Variants in SPRY3 observed in about 807,000 individuals in gnomAD.
The protein encoded by SPRY3 is protein sprouty homolog 3.
Under a neutral mutation model 20.2 loss-of-function variants are expected in SPRY3, and 15 were observed. The ratio of observed to expected loss-of-function variants is 0.74; its 90% CI spans 0.50 to 1.14. The LOEUF (loss-of-function observed/expected upper bound fraction) is 1.14. Among genes scored for constraint, SPRY3 ranks in the 50% most tolerant of loss-of-function variants. SPRY3 has a pLI of 0.00. For synonymous variants in SPRY3, 143 were observed against 136.5 expected (o/e 1.05, Z -0.33); for missense variants, 364 against 363.9 (o/e 1.00, Z 0.00).
chrX:155,669,291 T>C (rs1481899215), intron 2 of SPRY3, among the ~76,000 whole-genome samples: 1 of 111,533 alleles, frequency 9.0e-6, no homozygotes, highest in Non-Finnish European at 1.9e-5. Context: ...ATTACTTAAG[T>C]GTATTTTAAT....
intron 2 of SPRY3, among the ~76,000 whole-genome samples, chrX:155,731,797 C>A (rs306909): frequency 3.3e-5 from 5 of 151,674 alleles, no homozygotes; most frequent in Admixed American, 3.3e-4. Context: ...TAAAGAGTTC[C>A]AACAACTCTA....
At chrX:155,692,114 G>C (rs183266205) in intron 2 of SPRY3, among the ~76,000 whole-genome samples, 55 of 110,384 alleles carry the variant, frequency 5.0e-4, no homozygotes, top group African/African-American at 1.8e-3. Context: ...AGAGTAGAAT[G>C]ATGGTTACCA....
At chrX:155,628,357 T>C (rs2067894706) in intron 1 of SPRY3, among the ~76,000 whole-genome samples, 1 of 111,933 alleles carries the variant, frequency 8.9e-6, no homozygotes. Flanking sequence ...ACTAAAGAGC[T>C]TCTGCACAGG....
exon 4 of SPRY3, chrX:155,774,852 C>G: frequency 1.6e-6 from 2 of 1,238,746 alleles, no homozygotes; most frequent in South Asian, 2.9e-5. Context: ...TAGGGCCTCT[C>G]TTTTGTTCCT....
At chrX:155,759,906 T>C (rs1160694870) in intron 2 of SPRY3, among the ~76,000 whole-genome samples, 1 of 152,156 alleles carries the variant, frequency 6.6e-6, no homozygotes, top group African/African-American at 2.4e-5. Flanking sequence ...TATGACTCAA[T>C]TGAAAAAAAT....
downstream of SPRY3, chrX:155,781,024 A>G (rs1027833304): frequency 1.3e-4 from 20 of 158,668 alleles, no homozygotes; most frequent in African/African-American, 4.6e-4. Flanking sequence ...CCAAACTCCT[A>G]TAGCTCTCCA....
At chrX:155,717,020 G>A (rs1272497550) in intron 2 of SPRY3, among the ~76,000 whole-genome samples, 5 of 100,092 alleles carry the variant, frequency 5.0e-5, no homozygotes, top group African/African-American at 7.7e-5. Flanking sequence ...ATAGCTGGGC[G>A]TGGCAGCATG....
At chrX:155,641,480 G>GA (rs2067940101) in intron 1 of SPRY3, among the ~76,000 whole-genome samples, 1 of 115,079 alleles carries the variant, frequency 8.7e-6, no homozygotes, top group African/African-American at 3.1e-5. Flanking sequence ...CAGACTGAGA[G>GA]AAAAAAGCTG....
chrX:155,733,109 T>A lies in SPRY3; in HGVS notation c.-281-34853T>A, dbSNP rs180990960. On this transcript the variant is annotated intron_variant, in intron 2 of 3. Coordinates refer to ENST00000675360, the Ensembl canonical transcript of SPRY3. ...TTGATAGTACAATAGGGTGACTATA[T>A]TTAATAATAATTTAGTTGTACATTT... Among the ~76,000 whole-genome samples, 585 of 152,018 alleles carry A rather than the reference T, an allele frequency of 3.8e-3. 2 individuals are homozygous for A. Among genetic ancestry groups the A allele is most frequent in the African/African-American group, 0.013 (554 of 41,502 alleles).
chrX:155,748,984 C>T (rs764532014), intron 2 of SPRY3, among the ~76,000 whole-genome samples: 1 of 151,510 alleles, frequency 6.6e-6, no homozygotes, highest in African/African-American at 2.4e-5. Context: ...AACACAATAA[C>T]TAATGGTTAA....
chrX:155,748,682 C>T (rs1187195896), intron 2 of SPRY3, among the ~76,000 whole-genome samples: 1 of 151,706 alleles, frequency 6.6e-6, no homozygotes, highest in Non-Finnish European at 1.5e-5. Flanking sequence ...AAGAACAGGG[C>T]AATACCTCAT....
intron 1 of SPRY3, among the ~76,000 whole-genome samples, chrX:155,656,149 G>A (rs967692443): frequency 4.5e-5 from 5 of 111,394 alleles, no homozygotes; most frequent in Non-Finnish European, 7.5e-5. Context: ...GGCCTATCTT[G>A]CTAGGTTGGG....
intron 2 of SPRY3, among the ~76,000 whole-genome samples, chrX:155,682,967 C>T (rs977194024): frequency 9.1e-6 from 1 of 110,370 alleles, no homozygotes; most frequent in African/African-American, 3.4e-5. Flanking sequence ...GAGGAAGTAA[C>T]TGCAGATGTG....
intron 2 of SPRY3, among the ~76,000 whole-genome samples, chrX:155,675,675 G>C (rs782774652): frequency 9.0e-6 from 1 of 111,617 alleles, no homozygotes; most frequent in South Asian, 3.7e-4. Context: ...GCCTATGCCA[G>C]CTATTGACAA....
chrX:155,741,516 C>A (rs991754996), intron 2 of SPRY3, among the ~76,000 whole-genome samples: 5 of 152,044 alleles, frequency 3.3e-5, no homozygotes, highest in Admixed American at 3.3e-4. Flanking sequence ...CAGTAAGATG[C>A]TCCATGAGAA....
chrX:155,651,097 A>T (rs1557352355), intron 1 of SPRY3, among the ~76,000 whole-genome samples: 1 of 107,390 alleles, frequency 9.3e-6, no homozygotes, highest in East Asian at 2.9e-4. Context: ...TTTTTTTGAA[A>T]CAGAGTCTTA....
At chrX:155,633,310 G>A (rs2067912443) in intron 1 of SPRY3, among the ~76,000 whole-genome samples, 1 of 103,023 alleles carries the variant, frequency 9.7e-6, no homozygotes, top group Non-Finnish European at 2.0e-5. Context: ...GGAGGCCGAG[G>A]CGGGCGGATC....
chrX:155,705,239 G>A (rs1390887715), intron 2 of SPRY3, among the ~76,000 whole-genome samples: 1 of 151,426 alleles, frequency 6.6e-6, no homozygotes, highest in Non-Finnish European at 1.5e-5. Context: ...TGGATGGGAG[G>A]GAGCAATTGG....
intron 2 of SPRY3, among the ~76,000 whole-genome samples, chrX:155,707,699 T>C (rs2090961151): frequency 6.6e-6 from 1 of 151,248 alleles, no homozygotes; most frequent in Non-Finnish European, 1.5e-5. Flanking sequence ...CTCTTTCTTG[T>C]CTTAAAGTCT....
Sources: gnomAD v4.1 joint callset for allele counts (sites outside exome capture counted in the v4.1 genomes callset) on GRCh38, gnomAD v4.1.1 for gene constraint, MANE v1.5 for transcripts, NCBI Gene and HGNC (gene_info 2026-07-23, HGNC 2026-07-21) for gene names.